The following TMTC3 variants were observed in gnomAD, a reference collection of about 807,000 sequenced individuals.
TMTC3 encodes transmembrane O-mannosyltransferase targeting cadherins 3.
Under a neutral mutation model 92.2 loss-of-function variants are expected in TMTC3, and 52 were observed. The observed-to-expected ratio is 0.56, with a 90% CI of 0.45 to 0.71. The LOEUF is 0.71. TMTC3 is among the 30% of genes least tolerant of loss of function. TMTC3 has a pLI of 0.00. For missense variants in TMTC3, 896 were observed against 1,057.1 expected (o/e 0.85, Z 2.11); for synonymous variants, 339 against 363.3 (o/e 0.93, Z 0.76).
At chr12:88,171,689 A>G (rs982458236) in intron 7 of TMTC3, among the ~76,000 whole-genome samples, 1 of 152,118 alleles carries the variant, frequency 6.6e-6, no homozygotes, top group African/African-American at 2.4e-5. Flanking sequence ...TCTCTCTTCA[A>G]CATACTGACT....
chr12:88,148,488 G>T lies in TMTC3; in HGVS notation c.173G>T (p.Gly58Val). The change falls in exon 2 of 14, where the codon GGA (glycine) becomes GTA (valine). Residue 58 changes from glycine to valine, a missense_variant. By Grantham distance (109) the Gly-to-Val change is moderately radical. Transcript: ENST00000266712. ...LKTLFQNDFW[G>V]TPMSEERSHK... ...ACTTTATTTCAAAATGACTTCTGGG[G>T]AACCCCTATGTCTGAGGTAAGTAAT... 1 of 1,609,272 alleles carries T rather than the reference G, an allele frequency of 6.2e-7. No homozygotes were observed. Among genetic ancestry groups the T allele is most frequent in the South Asian group, 1.1e-5 (1 of 90,090 alleles).
At chr12:88,185,214 T>C (rs1163224821) in intron 10 of TMTC3, among the ~76,000 whole-genome samples, 1 of 152,160 alleles carries the variant, frequency 6.6e-6, no homozygotes, top group Non-Finnish European at 1.5e-5. Context: ...CCTTGGATCC[T>C]TTTCTGATAC....
intron 13 of TMTC3, 134 bp downstream of exon 13, chr12:88,192,964 T>C: frequency 1.6e-6 from 1 of 629,620 alleles, no homozygotes; most frequent in Non-Finnish European, 2.5e-6. Flanking sequence ...TTAACTGATT[T>C]ATAGAAAGAA....
rs1156947589 is a variant in TMTC3, at chr12:88,199,430, AAAT to A, written c.*3787_*3789del. On this transcript the variant is annotated 3_prime_UTR_variant, in exon 14 of 14. Transcript: ENST00000266712. The stretch of plus-strand genomic sequence containing the variant: ...TTGCTTAGAGTTTCTAGCACATAGC[AAAT>A]AATAAATATTAGTTATTAGTATAAA... 9.2e-5 allele frequency: 14 copies of A among 152,082 alleles called. No individual in the cohort carries two copies. The highest frequency in any genetic ancestry group is 2.9e-4 in the African/African-American group (12 of 41,544). The allele number at this position is 152,082 out of a possible 1,614,324, so 9.4% of individuals were successfully genotyped here.
At chr12:88,147,192 A>G (rs1419377715) in intron 1 of TMTC3, among the ~76,000 whole-genome samples, 5 of 152,096 alleles carry the variant, frequency 3.3e-5, no homozygotes, top group Non-Finnish European at 5.9e-5. Context: ...TCTAAAAATT[A>G]GATACATAAG....
At position 88,153,287 on chromosome 12, in the gene TMTC3, G is replaced by T. The variant is rs766897117; in HGVS notation, c.190-4G>T. On this transcript the variant is annotated splice_polypyrimidine_tract_variant and splice_region_variant and intron_variant, in intron 2 of 13. Coordinates refer to ENST00000266712, the MANE Select transcript of TMTC3 (RefSeq NM_181783.4). ...AATAATCACTGATCGTTTTTTCCTTGTAGGAGAGAAGCCACAAGTCTTACC... is the reference window on the plus strand; with the variant it reads ...AATAATCACTGATCGTTTTTTCCTTTTAGGAGAGAAGCCACAAGTCTTACC... The T allele has an allele frequency of 3.8e-6, 6 of 1,598,852 alleles. No individual in the cohort carries two copies. The highest frequency in any genetic ancestry group is 3.5e-5 in the Admixed American group (2 of 57,170).
At chr12:88,173,492 A>T (rs563645633) in intron 8 of TMTC3, among the ~76,000 whole-genome samples, 1 of 151,970 alleles carries the variant, frequency 6.6e-6, no homozygotes, top group South Asian at 2.1e-4. Context: ...AACTAAGTCA[A>T]CTCTTTTAAT....
rs1387276883 is a variant in TMTC3 at position 88,199,618 on chromosome 12, A to G, written c.*3969A>G. 6.6e-6 allele frequency: 1 copy of G among 152,188 alleles called. No individual in the cohort carries two copies. The highest frequency in any genetic ancestry group is 2.4e-5 in the African/African-American group (1 of 41,466). The allele number at this position is 152,188 out of a possible 1,614,324, so 9.4% of individuals were successfully genotyped here. A position where few individuals can be genotyped will look rare whatever the true frequency, so the allele number is the denominator to read the frequency against. ...CTAACAAGTACATAGATAGCCTAAG[A>G]TAAATTATACTTAGGATGAAGCTAA... On this transcript the variant is annotated 3_prime_UTR_variant, in exon 14 of 14. Coordinates refer to ENST00000266712, the MANE Select transcript of TMTC3 (RefSeq NM_181783.4).
At chr12:88,168,629 A>G (rs927790793) in intron 7 of TMTC3, among the ~76,000 whole-genome samples, 1 of 152,212 alleles carries the variant, frequency 6.6e-6, no homozygotes, top group Non-Finnish European at 1.5e-5. Context: ...TTGCAGGAAC[A>G]TATTTATTAA....
At chr12:88,148,102 C>T (rs2040898111) in intron 1 of TMTC3, among the ~76,000 whole-genome samples, 186 bp from the exon 2 acceptor site, 2 of 152,136 alleles carry the variant, frequency 1.3e-5, no homozygotes, top group Non-Finnish European at 2.9e-5. Context: ...TTATCAGGGA[C>T]ATTATCCAGT....
At chr12:88,174,946 C>T (rs2041243463) in intron 9 of TMTC3, among the ~76,000 whole-genome samples, 3 of 152,062 alleles carry the variant, frequency 2.0e-5, no homozygotes, top group African/African-American at 7.2e-5. Context: ...TGATAATTCC[C>T]TAAATGCTAT....
In TMTC3 at chr12:88,172,730, A is replaced by G; in HGVS notation, c.1184A>G (p.Lys395Arg). Residue 395 changes from lysine to arginine, a missense_variant, in exon 8 of 14, where the codon AAA becomes AGA. Transcript: ENST00000266712. The stretch of plus-strand genomic sequence containing the variant: ...ATTTTGGTAGCCCATGGATGGCAGA[A>G]AATATCAACAAAAAGGTGAATTTAA... ...FCILVAHGWQ[K>R]ISTKSVFKKL... 1 of 1,597,988 alleles carries G rather than the reference A, an allele frequency of 6.3e-7. No homozygotes were observed.
In TMTC3 at chr12:88,196,974, T is replaced by G. The variant is rs1420838763; in HGVS notation, c.*1325T>G. On this transcript the variant is annotated 3_prime_UTR_variant, in exon 14 of 14. Coordinates refer to ENST00000266712, the MANE Select transcript of TMTC3 (RefSeq NM_181783.4). The stretch of plus-strand genomic sequence containing the variant: ...CTAATTTATACCTGATTTTTTTTCT[T>G]GAATTAAAGTACATTTTAAATGAGC... 6.6e-6 allele frequency: 1 copy of G among 152,002 alleles called. No individual in the cohort carries two copies. Among genetic ancestry groups the G allele is most frequent in the Non-Finnish European group, 1.5e-5 (1 of 67,780 alleles). 9.4% of individuals were successfully genotyped at this position (152,002 alleles called of 1,614,324 possible). A position where few individuals can be genotyped will look rare whatever the true frequency, so the allele number is the denominator to read the frequency against.
rs1355456050 is a variant in TMTC3, at chr12:88,154,226, T to C, written c.409-62T>C. The C allele has an allele frequency of 2.1e-5, 24 of 1,142,624 alleles. No individual in the cohort carries two copies. The South Asian group carries it at 3.2e-4, about 15-fold the overall frequency. 70.8% of individuals were successfully genotyped at this position (1,142,624 alleles called of 1,614,324 possible). A position where few individuals can be genotyped will look rare whatever the true frequency, so the allele number is the denominator to read the frequency against. On this transcript the variant is annotated intron_variant, in intron 3 of 13. Coordinates refer to ENST00000266712, the MANE Select transcript of TMTC3 (RefSeq NM_181783.4). ...GGAAATTAAAGTATTTTTACCATTA[T>C]ATATAGTAATTTTTCAAGATATTCT... is the stretch of plus-strand genomic sequence containing the variant.
chr12:88,194,302 C>A (rs1299106019), intron 13 of TMTC3, among the ~76,000 whole-genome samples: 1 of 152,102 alleles, frequency 6.6e-6, no homozygotes, highest in East Asian at 1.9e-4. Flanking sequence ...TCGAAACATT[C>A]CTAAAACTTT....
rs1387722469 is a variant in TMTC3 at position 88,176,244 on chromosome 12, G to A, written c.1357G>A (p.Gly453Ser). The A allele has an allele frequency of 1.2e-6, 2 of 1,611,860 alleles. No homozygotes were observed. The highest frequency in any genetic ancestry group is 8.5e-7 in the Non-Finnish European group (1 of 1,178,896). ...KNNAKLWNNVGHALENEKNFE... is the reference protein window; with the variant it reads ...KNNAKLWNNVSHALENEKNFE... The stretch of plus-strand genomic sequence containing the variant: ...TAATGCCAAACTTTGGAATAATGTG[G>A]GTCATGCTCTGGAAAATGAAAAGAA... The change falls in exon 10 of 14, where the codon GGT (glycine) becomes AGT (serine). Residue 453 changes from glycine to serine, a missense_variant. Gly to Ser is a moderately conservative substitution (Grantham distance 56). Transcript: ENST00000266712.
At chr12:88,181,459 A>AG (rs2138422991) in intron 10 of TMTC3, among the ~76,000 whole-genome samples, 1 of 152,142 alleles carries the variant, frequency 6.6e-6, no homozygotes, top group Non-Finnish European at 1.5e-5. Context: ...AAGTTTCTTC[A>AG]GTTTTGGTGG....
At chr12:88,172,250 T>C (rs1278322582) in intron 7 of TMTC3, among the ~76,000 whole-genome samples, 1 of 152,072 alleles carries the variant, frequency 6.6e-6, no homozygotes, top group Non-Finnish European at 1.5e-5. Context: ...AAATTTAAAA[T>C]GCTGTAATGG....
At position 88,180,422 on chromosome 12, in the gene TMTC3, G is replaced by A. The variant is rs1211820708; in HGVS notation, c.1432+4103G>A. Among the ~76,000 whole-genome samples the A allele has an allele frequency of 2.0e-5, 3 of 152,102 alleles. No individual in the cohort carries two copies. The South Asian group carries it at 6.2e-4, about 32-fold the overall frequency. ...AAAGAAAGGCGGATTTAGAAGATGG[G>A]CCTAATAGAGAGTAGCAGGTACAGA... On this transcript the variant is annotated intron_variant, in intron 10 of 13. Coordinates refer to ENST00000266712, the MANE Select transcript of TMTC3 (RefSeq NM_181783.4).
Sources: gnomAD v4.1 joint callset for allele counts (sites outside exome capture counted in the v4.1 genomes callset) on GRCh38, gnomAD v4.1.1 for gene constraint, MANE v1.5 for transcripts, NCBI Gene and HGNC (gene_info 2026-07-23, HGNC 2026-07-21) for gene names.